The following ARHGAP17 variants were observed in gnomAD, a reference collection of about 807,000 sequenced individuals.
ARHGAP17 encodes rho GTPase-activating protein 17.
Under a neutral mutation model 99.5 loss-of-function variants are expected in ARHGAP17, and 57 were observed. That is an observed-to-expected ratio of 0.57 (90% confidence interval 0.46 to 0.71). ARHGAP17 has a LOEUF of 0.71. ARHGAP17 is among the 30% of genes least tolerant of loss of function. ARHGAP17 has a pLI of 0.00. For missense variants in ARHGAP17, 1,000 were observed against 1,122.4 expected (o/e 0.89, Z 1.56); for synonymous variants, 417 against 429.6 (o/e 0.97, Z 0.36).
intron 19 of ARHGAP17, chr16:24,927,733 C>A: frequency 8.5e-7 from 1 of 1,176,466 alleles, no homozygotes; most frequent in Non-Finnish European, 1.1e-6. Context: ...GGTCATACAT[C>A]TAAATTATTT....
In ARHGAP17 at chr16:24,944,525, A is replaced by G. The variant is rs117325093; in HGVS notation, c.1242-663T>C. 5.4e-3 allele frequency among the ~76,000 whole-genome samples: 825 copies of G among 152,328 alleles called. 5 individuals are homozygous for G. Among genetic ancestry groups the G allele is most frequent in the Non-Finnish European group, 9.1e-3 (622 of 68,016 alleles). On this transcript the variant is annotated intron_variant, in intron 14 of 19. Transcript: ENST00000289968. ...ATAGCATCACACATGGGTGGTAGCT[A>G]TGTTCTAAGACTAAAGATTACTAAA...
chr16:24,971,070 A>C (rs1257728053), intron 3 of ARHGAP17, among the ~76,000 whole-genome samples: 1 of 152,104 alleles, frequency 6.6e-6, no homozygotes, highest in East Asian at 1.9e-4. Flanking sequence ...GAGATGGGGT[A>C]TGTTGACCAG....
chr16:24,958,478 G>A (rs982812016), intron 9 of ARHGAP17, among the ~76,000 whole-genome samples: 4 of 152,280 alleles, frequency 2.6e-5, no homozygotes, highest in Middle Eastern at 3.4e-3. Flanking sequence ...CAGAGACCTC[G>A]TTCCTTTGCA....
chr16:25,003,719 G>A (rs923371345), intron 1 of ARHGAP17, among the ~76,000 whole-genome samples: 71 of 151,962 alleles, frequency 4.7e-4, no homozygotes, highest in African/African-American at 1.7e-3. Context: ...AGCTACTCAG[G>A]AGGCTGAGGC....
rs35773631 is a variant in ARHGAP17 at position 24,920,148 on chromosome 16, G to C, written c.2628C>G (p.Thr876=). 1 of 1,613,974 alleles carries C rather than the reference G, an allele frequency of 6.2e-7. No homozygotes were observed. The highest frequency in any genetic ancestry group is 1.1e-5 in the South Asian group (1 of 91,058). ...GCTTTCTTCACAGGGCAGTGCTCTC[G>C]GTATCATTGTCTATATCCAGCAGGA... ...GRILLDIDND[T]ESTAL Residue 876 remains threonine, a synonymous_variant, in exon 20 of 20, where the codon ACC becomes ACG. Transcript: ENST00000289968.
At chr16:24,942,706 T>A (rs1205518401) in intron 15 of ARHGAP17, among the ~76,000 whole-genome samples, 1 of 149,256 alleles carries the variant, frequency 6.7e-6, no homozygotes, top group Non-Finnish European at 1.5e-5. Context: ...AGGCAGAGGT[T>A]GCAGTGGGCC....
chr16:25,001,822 GCCTGCAATCCC>G (rs2053367506), intron 1 of ARHGAP17, among the ~76,000 whole-genome samples: 3 of 152,146 alleles, frequency 2.0e-5, no homozygotes, highest in Admixed American at 6.5e-5. Context: ...AGTGGCTCAT[GCCTGCAATCCC>G]AGCACTTTGG....
At chr16:24,944,602 TTTTA>T (rs2051414282) in intron 14 of ARHGAP17, among the ~76,000 whole-genome samples, 1 of 152,026 alleles carries the variant, frequency 6.6e-6, no homozygotes, top group South Asian at 2.1e-4. Flanking sequence ...ACAGTGTGCC[TTTTA>T]TTTTTTATTT....
Position 24,976,947 on chromosome 16 carries a change from C to T in ARHGAP17, c.198+268G>A, listed in dbSNP as rs116445801. Among the ~76,000 whole-genome samples the T allele has an allele frequency of 4.5e-3, 688 of 152,312 alleles. 6 individuals are homozygous for T. Among genetic ancestry groups the T allele is most frequent in the African/African-American group, 0.016 (645 of 41,566 alleles). ...TTTCTGCCAGCAAAAGATGCATAACCGACACAGCCATTCTCTTATCAATGA... is the reference window on the plus strand; with the variant it reads ...TTTCTGCCAGCAAAAGATGCATAACTGACACAGCCATTCTCTTATCAATGA... On this transcript the variant is annotated intron_variant, in intron 3 of 19. Coordinates refer to ENST00000289968, the MANE Select transcript of ARHGAP17 (RefSeq NM_001006634.3).
At chr16:24,990,779 T>TTC in intron 1 of ARHGAP17, among the ~76,000 whole-genome samples, 1 of 150,992 alleles carries the variant, frequency 6.6e-6, no homozygotes, top group East Asian at 1.9e-4. Context: ...GGCTTTTTTT[T>TTC]TTTTTTTTTA....
At chr16:24,926,710 G>A (rs1013689217) in intron 19 of ARHGAP17, among the ~76,000 whole-genome samples, 7 of 152,196 alleles carry the variant, frequency 4.6e-5, no homozygotes, top group African/African-American at 1.7e-4. Flanking sequence ...GTGGACTAAC[G>A]CCTCACAGAC....
chr16:24,947,030 G>A (rs543198426), intron 14 of ARHGAP17, among the ~76,000 whole-genome samples: 18 of 152,182 alleles, frequency 1.2e-4, no homozygotes, highest in African/African-American at 4.3e-4. Context: ...GTGCTAAGTA[G>A]GCATGAATTA....
intron 18 of ARHGAP17, 135 bp downstream of exon 18, chr16:24,935,335 C>T: frequency 6.3e-6 from 7 of 1,104,606 alleles, no homozygotes; most frequent in South Asian, 1.7e-5. Flanking sequence ...TCTTGAATGA[C>T]TGAATTTTCT....
Position 24,919,600 on chromosome 16 carries a change from C to G in ARHGAP17, c.*530G>C, listed in dbSNP as rs370349461. The G allele has an allele frequency of 6.6e-6, 1 of 152,478 alleles. No individual in the cohort carries two copies. The allele number at this position is 152,478 out of a possible 1,614,324, so 9.4% of individuals were successfully genotyped here. ...GCAGTCACCATCCATGGGCATGGTT[C>G]TGAGGGGACTGGGGAGACACAGACC... On this transcript the variant is annotated 3_prime_UTR_variant, in exon 20 of 20. Coordinates refer to ENST00000289968, the MANE Select transcript of ARHGAP17 (RefSeq NM_001006634.3).
intron 10 of ARHGAP17, 99 bp from the exon 11 acceptor site, chr16:24,953,141 T>A (rs745996549): frequency 9.3e-7 from 1 of 1,078,648 alleles, no homozygotes; most frequent in Non-Finnish European, 1.4e-6. Flanking sequence ...TCCGCTCACC[T>A]CCTGTCTATG....
rs766193511 is a variant in ARHGAP17 at position 24,935,493 on chromosome 16, G to T, written c.1871C>A (p.Pro624His). ...ACCTCGGCGCAGTGTATGCGGGCTG[G>T]GCCCTGCAGCATTGTGAGGTTGGCC... ...SMGQPHNAAG[P>H]SPHTLRRAVK... The change falls in exon 18 of 20, where the codon CCC becomes CAC. Residue 624 changes from proline to histidine, a missense_variant. Around this residue, in one of 2 missense-constraint regions of ARHGAP17, gnomAD observed 528 missense variants for 511.4 expected, o/e 1.03. Transcript: ENST00000289968. The T allele has an allele frequency of 6.2e-7, 1 of 1,608,276 alleles. No homozygotes were observed. The highest frequency in any genetic ancestry group is 8.5e-7 in the Non-Finnish European group (1 of 1,177,444).
intron 12 of ARHGAP17, 102 bp downstream of exon 12, chr16:24,952,187 T>G: frequency 1.3e-6 from 1 of 774,080 alleles, no homozygotes; most frequent in Non-Finnish European, 2.1e-6. Flanking sequence ...ACAAATACGC[T>G]ATTTTAATCT....
At chr16:25,001,774 T>A (rs2053365933) in intron 1 of ARHGAP17, among the ~76,000 whole-genome samples, 1 of 151,944 alleles carries the variant, frequency 6.6e-6, no homozygotes, top group African/African-American at 2.4e-5. Flanking sequence ...ATATTACAGA[T>A]CAACAGTTAT....
At chr16:24,972,846 T>G (rs1321504967) in intron 3 of ARHGAP17, among the ~76,000 whole-genome samples, 1 of 152,180 alleles carries the variant, frequency 6.6e-6, no homozygotes, top group Non-Finnish European at 1.5e-5. Context: ...GCTTAACATA[T>G]GGGCTCATTA....
Sources: allele counts gnomAD v4.1 joint callset (sites outside exome capture counted in the v4.1 genomes callset), GRCh38; gene constraint gnomAD v4.1.1; regional missense constraint gnomAD v4.1.1; transcripts MANE v1.5; gene names NCBI Gene and HGNC (gene_info 2026-07-23, HGNC 2026-07-21).